The following PDE11A variants were observed in gnomAD, a reference collection of about 807,000 sequenced individuals.
The protein encoded by PDE11A is phosphodiesterase 11A.
A neutral mutation model predicts 100.5 loss-of-function variants in PDE11A; 100 were observed. That is an observed-to-expected ratio of 1.00 (90% CI 0.85 to 1.18). The LOEUF (loss-of-function observed/expected upper bound fraction) is 1.18. Among genes scored for constraint, PDE11A ranks in the 50% most tolerant of loss-of-function variants. The probability of loss-of-function intolerance (pLI) is 0.00; values close to 1 mark genes in which losing one functional copy is unlikely to be tolerated. For synonymous variants in PDE11A, 381 were observed against 420.8 expected (o/e 0.91, Z 1.16); for missense variants, 1,141 against 1,152.6 (o/e 0.99, Z 0.15).
At position 178,104,152 on chromosome 2, in the gene PDE11A, G is replaced by A. The variant is rs1472352046; in HGVS notation, c.162+150C>T. ...AAGGATGATCAGTTATCCAAATGCAGGTCTTATGATATAAATCCATATTTC... is the reference window on the plus strand; with the variant it reads ...AAGGATGATCAGTTATCCAAATGCAAGTCTTATGATATAAATCCATATTTC... On this transcript the variant is annotated intron_variant, in intron 2 of 20. Transcript: ENST00000358450. 5 of 737,370 alleles carry A rather than the reference G, an allele frequency of 6.8e-6. No individual in the cohort carries two copies. In the Admixed American group the frequency reaches 8.6e-5, roughly 13 times the overall value. The allele number at this position is 737,370 out of a possible 1,614,324, so 45.7% of individuals were successfully genotyped here.
chr2:177,693,875 G>T (rs143065111), intron 15 of PDE11A, among the ~76,000 whole-genome samples: 130 of 152,302 alleles, frequency 8.5e-4, no homozygotes, highest in African/African-American at 3.0e-3. Context: ...AGATCCTTCC[G>T]ATTCCACAAT....
intron 2 of PDE11A, among the ~76,000 whole-genome samples, chr2:177,972,482 C>G (rs2085784225): frequency 6.6e-6 from 1 of 152,040 alleles, no homozygotes; most frequent in Non-Finnish European, 1.5e-5. Context: ...GATGGAGTGG[C>G]CACATCAGGT....
chr2:177,683,706 T>C (rs555178925), intron 15 of PDE11A, among the ~76,000 whole-genome samples: 4 of 152,314 alleles, frequency 2.6e-5, no homozygotes, highest in African/African-American at 9.6e-5. Context: ...CTTCAAAGTG[T>C]CTGCTTGCCT....
intron 9 of PDE11A, among the ~76,000 whole-genome samples, chr2:177,804,572 G>A (rs1040411696): frequency 1.3e-5 from 2 of 151,770 alleles, no homozygotes; most frequent in Non-Finnish European, 2.9e-5. Context: ...CTACTACTAG[G>A]TATATCCCCA....
At chr2:177,947,698 C>A (rs1056707539) in intron 2 of PDE11A, among the ~76,000 whole-genome samples, 12 of 151,812 alleles carry the variant, frequency 7.9e-5, no homozygotes, top group African/African-American at 2.7e-4. Context: ...TGCTGACCTT[C>A]CCTCCACTAT....
intron 5 of PDE11A, among the ~76,000 whole-genome samples, chr2:177,864,290 C>A (rs1349829660): frequency 6.6e-6 from 1 of 151,922 alleles, no homozygotes; most frequent in Non-Finnish European, 1.5e-5. Context: ...TACATGAGGA[C>A]CCTAGGTAAC....
intron 10 of PDE11A, among the ~76,000 whole-genome samples, chr2:177,762,308 C>T (rs927604897): frequency 6.6e-6 from 1 of 152,152 alleles, no homozygotes; most frequent in Admixed American, 6.5e-5. Context: ...TGATGGCTAA[C>T]CCAAGCCCCT....
chr2:177,823,159 T>C (rs1310185749), intron 6 of PDE11A, among the ~76,000 whole-genome samples: 1 of 152,140 alleles, frequency 6.6e-6, no homozygotes, highest in Non-Finnish European at 1.5e-5. Context: ...AAATCATTCG[T>C]CCAGTGTACT....
intron 10 of PDE11A, among the ~76,000 whole-genome samples, chr2:177,730,858 C>T (rs2081676813): frequency 6.6e-6 from 1 of 152,036 alleles, no homozygotes; most frequent in Non-Finnish European, 1.5e-5. Context: ...GTAGTGTTAA[C>T]TATATGCACA....
intron 7 of PDE11A, among the ~76,000 whole-genome samples, chr2:177,818,687 CA>C (rs1411369203): frequency 1.3e-5 from 2 of 151,958 alleles, no homozygotes; most frequent in African/African-American, 2.4e-5. Flanking sequence ...TTCCTGCTAC[CA>C]GGGGGTACAT....
upstream of PDE11A, among the ~76,000 whole-genome samples, chr2:178,077,741 G>A (rs1248106616): frequency 6.6e-6 from 1 of 152,068 alleles, no homozygotes; most frequent in African/African-American, 2.4e-5. Context: ...TTTAGGGTGG[G>A]TTCTAAATCA....
rs544259761 is a variant in PDE11A at position 177,774,505 on chromosome 2, T to C, written c.1738-5132A>G. Among the ~76,000 whole-genome samples, 12 of 152,302 alleles carry C rather than the reference T, an allele frequency of 7.9e-5. No homozygotes were observed. The South Asian group carries it at 2.3e-3, about 29-fold the overall frequency. ...CTTTCTGGGCTTCCATGACACCACATTATTTTGGTTTTCATCCTATTTCTT... is the reference window on the plus strand; with the variant it reads ...CTTTCTGGGCTTCCATGACACCACACTATTTTGGTTTTCATCCTATTTCTT... On this transcript the variant is annotated intron_variant, in intron 9 of 19. Transcript: ENST00000286063.
intron 9 of PDE11A, among the ~76,000 whole-genome samples, chr2:177,792,048 TG>T: frequency 6.6e-6 from 1 of 152,354 alleles, no homozygotes; most frequent in East Asian, 1.9e-4. Flanking sequence ...AGATTAAATA[TG>T]GCTCTATACA....
chr2:177,902,378 C>T (rs1417474107), intron 3 of PDE11A, among the ~76,000 whole-genome samples: 11 of 152,184 alleles, frequency 7.2e-5, no homozygotes, highest in Admixed American at 7.2e-4. Flanking sequence ...CTGCCTGCAC[C>T]CAGGTGAAAT....
chr2:177,686,997 A>ATTG (rs1156703527), intron 15 of PDE11A: 6 of 152,128 alleles, frequency 3.9e-5, no homozygotes, highest in African/African-American at 1.4e-4. Context: ...GATTACAGGC[A>ATTG]TGAGCCATTG....
chr2:177,871,019 A>G (rs1177495967), intron 5 of PDE11A, among the ~76,000 whole-genome samples: 9 of 152,152 alleles, frequency 5.9e-5, no homozygotes. Context: ...TCACTAAAGG[A>G]CAGGAGCCAT....
intron 10 of PDE11A, among the ~76,000 whole-genome samples, chr2:177,748,188 T>C (rs1033344815): frequency 2.0e-5 from 3 of 152,176 alleles, no homozygotes; most frequent in African/African-American, 7.2e-5. Context: ...ATAAATCCAA[T>C]AAATGATATG....
chr2:177,650,101 C>T (rs1490774182), intron 19 of PDE11A, among the ~76,000 whole-genome samples: 2 of 152,188 alleles, frequency 1.3e-5, no homozygotes, highest in Non-Finnish European at 2.9e-5. Flanking sequence ...ATAAACACCT[C>T]CCTCCTCCCA....
chr2:178,005,546 G>T (rs574465629), intron 2 of PDE11A, among the ~76,000 whole-genome samples: 1 of 152,184 alleles, frequency 6.6e-6, no homozygotes, highest in Admixed American at 6.5e-5. Flanking sequence ...TACTTTGTTT[G>T]TTGTCTGTTT....
Sources: gnomAD v4.1 joint callset for allele counts (sites outside exome capture counted in the v4.1 genomes callset) on GRCh38, gnomAD v4.1.1 for gene constraint, MANE v1.5 for transcripts, NCBI Gene and HGNC (gene_info 2026-07-23, HGNC 2026-07-21) for gene names.